The following ROBO2 variants were observed in gnomAD, a reference collection of about 807,000 sequenced individuals.
The protein encoded by ROBO2 is roundabout homolog 2.
In ROBO2, 53 loss-of-function variants were observed where a neutral mutation model predicts 160.8. The ratio of observed to expected loss-of-function variants is 0.33; its 90% confidence interval spans 0.26 to 0.41. The LOEUF is 0.41. Among genes scored for constraint, ROBO2 ranks in the 10% least tolerant of loss-of-function variants. The pLI is 1.00. For synonymous variants in ROBO2, 664 were observed against 611.7 expected, an observed-to-expected ratio of 1.09 and a Z score of -1.26; for missense variants, 1,577 against 1,722.4, an observed-to-expected ratio of 0.92 and a Z score of 1.49.
intron 2 of ROBO2, among the ~76,000 whole-genome samples, chr3:76,372,431 G>A (rs3913586): frequency 0.74 from 112,005 of 151,724 alleles, 42,321 homozygotes; most frequent in African/African-American, 0.91. Flanking sequence ...CAACCTAATT[G>A]AAATAATTGA....
chr3:76,526,156 T>A (rs755198716), intron 2 of ROBO2, among the ~76,000 whole-genome samples: 6 of 151,992 alleles, frequency 3.9e-5, no homozygotes, highest in Non-Finnish European at 5.9e-5. Flanking sequence ...ATTTTACAGA[T>A]GAGAAAACTG....
At chr3:77,295,153 G>T (rs548856786) in intron 2 of ROBO2, among the ~76,000 whole-genome samples, 1 of 150,548 alleles carries the variant, frequency 6.6e-6, no homozygotes, top group Non-Finnish European at 1.5e-5. Context: ...TAAAATTGAC[G>T]GTTAAACGGG....
At chr3:76,976,458 G>T (rs1034186675) in intron 2 of ROBO2, among the ~76,000 whole-genome samples, 1 of 152,104 alleles carries the variant, frequency 6.6e-6, no homozygotes, top group South Asian at 2.1e-4. Context: ...GAATGGCACC[G>T]CAATGACCAG....
At chr3:76,191,367 A>G (rs1181978797) in intron 2 of ROBO2, among the ~76,000 whole-genome samples, 2 of 152,068 alleles carry the variant, frequency 1.3e-5, no homozygotes, top group African/African-American at 4.8e-5. Flanking sequence ...GCTGACCTAC[A>G]CCAGGTAAAT....
intron 2 of ROBO2, among the ~76,000 whole-genome samples, chr3:76,825,682 T>C (rs1031309717): frequency 6.8e-6 from 1 of 148,022 alleles, no homozygotes; most frequent in East Asian, 2.0e-4. Flanking sequence ...GTCTGTTTCA[T>C]AGGATTTCCT....
At chr3:76,599,945 C>A (rs1165496246) in intron 2 of ROBO2, among the ~76,000 whole-genome samples, 1 of 151,990 alleles carries the variant, frequency 6.6e-6, no homozygotes. Flanking sequence ...AAATATTAGA[C>A]CTTTGTCATG....
At chr3:76,824,315 T>G (rs955520016) in intron 2 of ROBO2, among the ~76,000 whole-genome samples, 2 of 152,192 alleles carry the variant, frequency 1.3e-5, no homozygotes, top group Non-Finnish European at 2.9e-5. Flanking sequence ...TGTTACTACC[T>G]GGAACTACTG....
rs1301914240 is a variant in ROBO2, at chr3:76,661,862, C to T, written c.110-436152C>T. Among the ~76,000 whole-genome samples, 5 of 152,154 alleles carry T rather than the reference C, an allele frequency of 3.3e-5. No individual in the cohort carries two copies. The East Asian group carries it at 7.7e-4, about 23-fold the overall frequency. The stretch of plus-strand genomic sequence containing the variant: ...GTCTACAGAATGTAAATTTTCCTCA[C>T]AAGAGACAGCTTTGCAGGGTCATTT... On this transcript the variant is annotated intron_variant, in intron 2 of 26. Transcript: ENST00000487694.
At chr3:76,901,054 T>G (rs2075186459) in intron 2 of ROBO2, among the ~76,000 whole-genome samples, 1 of 152,146 alleles carries the variant, frequency 6.6e-6, no homozygotes, top group Admixed American at 6.5e-5. Context: ...GACCTCTCAC[T>G]TAATGAGACC....
intron 1 of ROBO2, among the ~76,000 whole-genome samples, chr3:77,077,587 A>C (rs1280820359): frequency 6.6e-6 from 1 of 152,180 alleles, no homozygotes; most frequent in Non-Finnish European, 1.5e-5. Flanking sequence ...AGAAAAAATC[A>C]GCTGGGACTG....
intron 5 of ROBO2, among the ~76,000 whole-genome samples, chr3:77,500,072 C>T (rs981514434): frequency 6.6e-6 from 1 of 152,172 alleles, no homozygotes; most frequent in African/African-American, 2.4e-5. Flanking sequence ...ACCTCCAGTG[C>T]AATCAGTCAC....
chr3:76,829,012 C>G (rs2066831386), intron 2 of ROBO2, among the ~76,000 whole-genome samples: 1 of 152,106 alleles, frequency 6.6e-6, no homozygotes, highest in Non-Finnish European at 1.5e-5. Context: ...TGGTCTACAT[C>G]CATGATTCTT....
At chr3:77,618,511 A>C (rs2094830705) in intron 22 of ROBO2, among the ~76,000 whole-genome samples, 1 of 152,100 alleles carries the variant, frequency 6.6e-6, no homozygotes, top group Admixed American at 6.6e-5. Flanking sequence ...TAATTTTCAA[A>C]AGCCCAGGCT....
At chr3:77,378,359 T>C (rs2072974151) in intron 2 of ROBO2, among the ~76,000 whole-genome samples, 1 of 152,122 alleles carries the variant, frequency 6.6e-6, no homozygotes, top group African/African-American at 2.4e-5. Flanking sequence ...CCCCATTTTA[T>C]AGAATGGGGG....
At chr3:76,999,494 C>A (rs923413165) in intron 2 of ROBO2, among the ~76,000 whole-genome samples, 3 of 152,070 alleles carry the variant, frequency 2.0e-5, no homozygotes, top group Non-Finnish European at 2.9e-5. Context: ...GAGTCAAATT[C>A]TTTTGGTGTA....
chr3:76,811,808 TC>T (rs1462707047), intron 2 of ROBO2, among the ~76,000 whole-genome samples: 27 of 67,862 alleles, frequency 4.0e-4, no homozygotes, highest in African/African-American at 1.2e-3. Context: ...CTTCCTTCCT[TC>T]CTTCCTTCCT....
intron 2 of ROBO2, among the ~76,000 whole-genome samples, chr3:77,431,170 G>T (rs1231954159): frequency 1.3e-5 from 2 of 152,146 alleles, no homozygotes; most frequent in Non-Finnish European, 2.9e-5. Context: ...AGCCGGAGCT[G>T]GTTTCAGTGA....
chr3:76,149,759 AG>A (rs2072083331), intron 2 of ROBO2, among the ~76,000 whole-genome samples: 1 of 139,646 alleles, frequency 7.2e-6, no homozygotes, highest in African/African-American at 2.5e-5. Context: ...ATATGTCTAA[AG>A]CACACATCTG....
rs1458146298 is a variant in ROBO2, at chr3:77,563,301, G to A, written c.1654G>A (p.Ala552Thr). ...GCCAGGTACCCCTGGAACCCTTCCA[G>A]CAAGTGCATATATCATTGAGGCTTT... The change falls in exon 11 of 26, where the codon GCA becomes ACA. Residue 552 changes from alanine to threonine, a missense_variant. By Grantham distance (58) the Ala-to-Thr change is moderately conservative. This residue lies in a region of ROBO2 where 940 missense variants were observed against 1,135.5 expected (regional missense o/e 0.83). Transcript: ENST00000461745. 2.5e-6 allele frequency: 4 copies of A among 1,613,416 alleles called. No homozygotes were observed. Among genetic ancestry groups the A allele is most frequent in the African/African-American group, 1.3e-5 (1 of 74,878 alleles).
Sources: gnomAD v4.1 joint callset for allele counts (sites outside exome capture counted in the v4.1 genomes callset) on GRCh38, gnomAD v4.1.1 for gene constraint, gnomAD v4.1.1 regional missense constraint, MANE v1.5 for transcripts, NCBI Gene and HGNC (gene_info 2026-07-23, HGNC 2026-07-21) for gene names.